CERKL: variants seen among roughly 807,000 people sequenced by gnomAD.
CERKL encodes ceramide kinase-like protein.
CERKL carries 61 observed loss-of-function variants against 63.4 expected under a neutral mutation model. The ratio of observed to expected loss-of-function variants is 0.96; its 90% CI spans 0.78 to 1.19. The LOEUF (loss-of-function observed/expected upper bound fraction) is 1.19, where lower values mean the gene tolerates loss of function less well. Among genes scored for constraint, CERKL ranks in the 50% most tolerant of loss-of-function variants. The pLI, the probability that CERKL is intolerant of heterozygous loss-of-function variation, is 0.00. For missense variants in CERKL, 675 were observed against 655.5 expected, an observed-to-expected ratio of 1.03 and a Z score of -0.33; for synonymous variants, 250 against 230.5, an observed-to-expected ratio of 1.08 and a Z score of -0.77.
intron 1 of CERKL, among the ~76,000 whole-genome samples, chr2:181,624,758 C>T (rs886397309): frequency 4.6e-5 from 7 of 152,164 alleles, no homozygotes; most frequent in Admixed American, 1.3e-4. Flanking sequence ...TGGAATGTAG[C>T]AAGTCTCCAA....
rs143459500 is a variant in CERKL, at chr2:181,637,533, G to A, written c.238+19236C>T. ...CATATATTGTACATGTGTTTAAGAC[G>A]GTGGGTACTGTGGGGGTAATGAAAA... On this transcript the variant is annotated intron_variant, in intron 1 of 12. Coordinates refer to ENST00000410087, the MANE Select transcript of CERKL (RefSeq NM_201548.5). Among the ~76,000 whole-genome samples the A allele has an allele frequency of 3.1e-3, 467 of 152,058 alleles. 3 individuals are homozygous for A. Among genetic ancestry groups the A allele is most frequent in the African/African-American group, 0.011 (438 of 41,482 alleles).
intron 1 of CERKL, among the ~76,000 whole-genome samples, chr2:181,656,227 A>G (rs1293371600): frequency 6.6e-6 from 1 of 152,230 alleles, no homozygotes; most frequent in Non-Finnish European, 1.5e-5. Context: ...GACAATGGCA[A>G]GGAAGGTGAG....
chr2:181,601,288 G>A (rs186727881), intron 2 of CERKL, among the ~76,000 whole-genome samples: 153 of 152,274 alleles, frequency 1.0e-3, no homozygotes, highest in Non-Finnish European at 1.6e-3. Flanking sequence ...AGCCAGGTGC[G>A]GTGGCTAACA....
At chr2:181,593,583 G>A (rs1329796341) in intron 2 of CERKL, among the ~76,000 whole-genome samples, 1 of 151,106 alleles carries the variant, frequency 6.6e-6, no homozygotes, top group African/African-American at 2.4e-5. Flanking sequence ...GCATTAGACT[G>A]CCTAGAGCTT....
intron 3 of CERKL, among the ~76,000 whole-genome samples, chr2:181,570,830 A>G (rs756636869): frequency 1.3e-5 from 2 of 152,166 alleles, no homozygotes; most frequent in Non-Finnish European, 2.9e-5. Flanking sequence ...TCATATTTAT[A>G]TAGCACTATT....
chr2:181,619,326 C>CT (rs34572026), intron 1 of CERKL, among the ~76,000 whole-genome samples: 30,937 of 146,316 alleles, frequency 0.21, 3,977 homozygotes, highest in African/African-American at 0.37. Context: ...AAAACCTAGT[C>CT]TTTTTTTTTT....
At chr2:181,548,347 G>GAC in intron 8 of CERKL, 198 bp downstream of exon 8, 1 of 591,262 alleles carries the variant, frequency 1.7e-6, no homozygotes, top group Non-Finnish European at 3.0e-6. Flanking sequence ...AGGAAGGGAG[G>GAC]AAAGAAGGAA....
chr2:181,613,321 C>T (rs1354356516), intron 1 of CERKL, among the ~76,000 whole-genome samples: 3 of 152,164 alleles, frequency 2.0e-5, no homozygotes, highest in African/African-American at 4.8e-5. Context: ...CTTAGGAAAA[C>T]AGCAAGACAG....
rs1343488229 is a variant in CERKL at position 181,537,647 on chromosome 2, A to G, written c.*537T>C. 1 of 434,738 alleles carries G rather than the reference A, an allele frequency of 2.3e-6. No individual in the cohort carries two copies. Among genetic ancestry groups the G allele is most frequent in the South Asian group, 1.7e-5 (1 of 59,672 alleles). The allele number at this position is 434,738 out of a possible 1,614,324, so 26.9% of individuals were successfully genotyped here. On this transcript the variant is annotated 3_prime_UTR_variant, in exon 13 of 13. Transcript: ENST00000410087. ...TGATGAGCTCAAATCCTGAAAAATGAAAGAATCCAAATTATTTCAGAATTA... is the reference window on the plus strand; with the variant it reads ...TGATGAGCTCAAATCCTGAAAAATGGAAGAATCCAAATTATTTCAGAATTA...
chr2:181,596,599 A>G (rs977011372), intron 2 of CERKL, among the ~76,000 whole-genome samples: 16 of 152,222 alleles, frequency 1.1e-4, no homozygotes, highest in African/African-American at 3.9e-4. Context: ...AGAATTTTAC[A>G]TGAATCAGGA....
At position 181,568,966 on chromosome 2, in the gene CERKL, G is replaced by A. The variant is rs184125208; in HGVS notation, c.614-2845C>T. 1.3e-3 allele frequency among the ~76,000 whole-genome samples: 201 copies of A among 151,824 alleles called. 2 individuals carry two copies. Among genetic ancestry groups the A allele is most frequent in the Middle Eastern group, 6.8e-3 (2 of 292 alleles). On this transcript the variant is annotated intron_variant, in intron 3 of 12. Transcript: ENST00000410087. ...CAAAAGCTAAAAACATCCTAAATCT[G>A]TAACAGTTCTGGTCCCAAGCCTTTC...
At chr2:181,624,845 T>C (rs764480706) in intron 1 of CERKL, among the ~76,000 whole-genome samples, 6 of 152,214 alleles carry the variant, frequency 3.9e-5, no homozygotes, top group Non-Finnish European at 5.9e-5. Flanking sequence ...GGTACATATT[T>C]AGAGGCTGCA....
chr2:181,577,566 TAGAA>T (rs1288835835), intron 2 of CERKL, among the ~76,000 whole-genome samples: 1 of 152,018 alleles, frequency 6.6e-6, no homozygotes, highest in Non-Finnish European at 1.5e-5. Flanking sequence ...GGGAAATACT[TAGAA>T]AGGAGGTTGA....
At chr2:181,589,221 A>G (rs1354133254) in intron 2 of CERKL, among the ~76,000 whole-genome samples, 3 of 152,236 alleles carry the variant, frequency 2.0e-5, no homozygotes, top group African/African-American at 7.2e-5. Flanking sequence ...TCCCAACAAC[A>G]AGGCATCTGC....
At chr2:181,538,748 T>C (rs1687337070) in intron 12 of CERKL, among the ~76,000 whole-genome samples, 1 of 152,150 alleles carries the variant, frequency 6.6e-6, no homozygotes, top group South Asian at 2.1e-4. Flanking sequence ...CACTTTACTA[T>C]TCAGATGGCT....
chr2:181,620,826 T>A (rs1686417636), intron 1 of CERKL, among the ~76,000 whole-genome samples: 1 of 152,168 alleles, frequency 6.6e-6, no homozygotes, highest in Non-Finnish European at 1.5e-5. Flanking sequence ...TGACCGAACA[T>A]CCAAAAGTAA....
chr2:181,650,151 AAGGAAGGAAGGAAAGAAG>A (rs1183467962), intron 1 of CERKL: 6 of 143,500 alleles, frequency 4.2e-5, no homozygotes, highest in African/African-American at 1.7e-4. Context: ...GGAAGGAAGG[AAGGAAGGAAGGAAAGAAG>A]GAAGGAGAAA....
rs1288052215 is a variant in CERKL, at chr2:181,550,617, A to G, written c.821-909T>C. Among the ~76,000 whole-genome samples the G allele has an allele frequency of 1.3e-5, 2 of 152,204 alleles. No homozygotes were observed. Among genetic ancestry groups the G allele is most frequent in the Non-Finnish European group, 2.9e-5 (2 of 68,028 alleles). ...ACCATGCATGTGGTGTGTTCCGGTTATGAAGGCAAAGACCAGTCCTCTGGA... is the reference window on the plus strand; with the variant it reads ...ACCATGCATGTGGTGTGTTCCGGTTGTGAAGGCAAAGACCAGTCCTCTGGA... On this transcript the variant is annotated intron_variant, in intron 5 of 12. Coordinates refer to ENST00000410087, the MANE Select transcript of CERKL (RefSeq NM_201548.5). The surrounding 1 kb of genome is among the most constrained non-coding windows in gnomAD (Gnocchi z 4.5).
rs79269303 is a variant in CERKL, at chr2:181,587,211, A to C, written c.482-13327T>G. 3.8e-3 allele frequency among the ~76,000 whole-genome samples: 572 copies of C among 152,322 alleles called. 4 individuals carry two copies. Among genetic ancestry groups the C allele is most frequent in the African/African-American group, 0.013 (533 of 41,572 alleles). On this transcript the variant is annotated intron_variant, in intron 2 of 12. Coordinates refer to ENST00000410087, the MANE Select transcript of CERKL (RefSeq NM_201548.5). Reference sequence around the variant, plus strand: ...GATCTTTACATACACAGATGAAAATAATTTTAATGCCGTAAGTCAAAGTAA... The same window carrying C: ...GATCTTTACATACACAGATGAAAATCATTTTAATGCCGTAAGTCAAAGTAA...
Sources: allele counts gnomAD v4.1 joint callset (sites outside exome capture counted in the v4.1 genomes callset), GRCh38; gene constraint gnomAD v4.1.1; non-coding constraint Gnocchi (gnomAD v3.1); transcripts MANE v1.5; gene names NCBI Gene and HGNC (gene_info 2026-07-23, HGNC 2026-07-21).